Variants in PTPRN2 observed in about 807,000 individuals in gnomAD.
PTPRN2 encodes the protein protein tyrosine phosphatase receptor type N2, also known as receptor-type tyrosine-protein phosphatase N2.
A neutral mutation model predicts 118.8 loss-of-function variants in PTPRN2; 74 were observed. That is an observed-to-expected ratio of 0.62 (90% CI 0.52 to 0.76). The LOEUF is 0.76. Ranked by LOEUF, PTPRN2 falls within the 30% of genes least tolerant of loss-of-function variation. The probability of loss-of-function intolerance (pLI) is 0.00; values close to 1 mark genes in which losing one functional copy is unlikely to be tolerated. For missense variants in PTPRN2, 1,481 were observed against 1,394.4 expected, an observed-to-expected ratio of 1.06 and a Z score of -0.99; for synonymous variants, 641 against 608.0, an observed-to-expected ratio of 1.05 and a Z score of -0.80.
At chr7:158,242,288 C>T (rs1795948078) in intron 3 of PTPRN2, among the ~76,000 whole-genome samples, 1 of 152,232 alleles carries the variant, frequency 6.6e-6, no homozygotes, top group Non-Finnish European at 1.5e-5. Context: ...CCTGCCTAGG[C>T]ATGGACTTCT....
intron 21 of PTPRN2, among the ~76,000 whole-genome samples, chr7:157,568,193 G>C (rs1799580013): frequency 6.6e-6 from 1 of 152,160 alleles, no homozygotes; most frequent in Non-Finnish European, 1.5e-5. Context: ...TTTCCACGCT[G>C]CTGCTGGACC....
chr7:157,933,609 AGTGG>A (rs1378253259), intron 11 of PTPRN2, among the ~76,000 whole-genome samples: 21 of 148,762 alleles, frequency 1.4e-4, no homozygotes, highest in Non-Finnish European at 1.9e-4. Context: ...TGACAGTTTT[AGTGG>A]AGGGATGAGT....
At chr7:158,176,978 G>T (rs1489779423) in intron 5 of PTPRN2, among the ~76,000 whole-genome samples, 1 of 152,196 alleles carries the variant, frequency 6.6e-6, no homozygotes, top group Non-Finnish European at 1.5e-5. Context: ...CCCTCCTCCA[G>T]AAACAGGGAT....
intron 12 of PTPRN2, among the ~76,000 whole-genome samples, chr7:157,885,446 C>G (rs1309454161): frequency 6.6e-6 from 1 of 152,184 alleles, no homozygotes; most frequent in Non-Finnish European, 1.5e-5. Flanking sequence ...AGCAGAAGGG[C>G]ATGGGGCTTT....
intron 2 of PTPRN2, among the ~76,000 whole-genome samples, chr7:158,383,598 T>G (rs2151352875): frequency 6.8e-6 from 1 of 147,936 alleles, no homozygotes; most frequent in South Asian, 2.1e-4. Flanking sequence ...CCAGCTTTAC[T>G]GTCAGAAATT....
intron 4 of PTPRN2, among the ~76,000 whole-genome samples, chr7:158,192,864 G>A (rs998915564): frequency 3.9e-5 from 6 of 152,318 alleles, no homozygotes; most frequent in African/African-American, 9.6e-5. Context: ...GCCAGAGGCC[G>A]GGTGGGCATG....
At chr7:158,066,938 A>G (rs1810819440) in intron 11 of PTPRN2, among the ~76,000 whole-genome samples, 1 of 152,212 alleles carries the variant, frequency 6.6e-6, no homozygotes, top group Admixed American at 6.5e-5. Context: ...CAGATTTTCA[A>G]TCATCTTCCT....
intron 12 of PTPRN2, among the ~76,000 whole-genome samples, chr7:157,817,682 G>C (rs1167845162): frequency 6.6e-6 from 1 of 152,260 alleles, no homozygotes; most frequent in Non-Finnish European, 1.5e-5. Context: ...AATGGGGTGA[G>C]GGGGCCAAGG....
At chr7:158,054,303 C>A (rs1158368888) in intron 11 of PTPRN2, among the ~76,000 whole-genome samples, 1 of 152,126 alleles carries the variant, frequency 6.6e-6, no homozygotes, top group Non-Finnish European at 1.5e-5. Context: ...TGTCCTGAGA[C>A]CAAGAAGAAA....
Position 158,171,316 on chromosome 7 carries a change from T to TACATACATAC in PTPRN2, c.550-4026_550-4025insGTATGTATGT, listed in dbSNP as rs1464576505. Reference sequence around the variant, plus strand: ...ACACATATATATACACACATATATATATATATATATATATATATATATATA... The same window carrying TACATACATAC: ...ACACATATATATACACACATATATATACATACATACATATATATATATATATATATATATA... On this transcript the variant is annotated intron_variant, in intron 5 of 22. Coordinates refer to ENST00000389418, the MANE Select transcript of PTPRN2 (RefSeq NM_002847.5). 1.5e-3 allele frequency among the ~76,000 whole-genome samples: 136 copies of TACATACATAC among 92,072 alleles called. 23 individuals are homozygous for TACATACATAC. The highest frequency in any genetic ancestry group is 6.0e-3 in the African/African-American group (128 of 21,222). The allele number at this position is 92,072 out of a possible 152,430, so 60.4% of individuals were successfully genotyped here. A position where few individuals can be genotyped will look rare whatever the true frequency, so the allele number is the denominator to read the frequency against.
chr7:158,080,281 T>C (rs950411655), intron 11 of PTPRN2, among the ~76,000 whole-genome samples: 1 of 143,032 alleles, frequency 7.0e-6, no homozygotes, highest in African/African-American at 2.7e-5. Context: ...TTTTGCTGCA[T>C]TTTACACTGG....
chr7:158,020,747 A>G (rs563647873), intron 11 of PTPRN2, among the ~76,000 whole-genome samples: 1 of 152,334 alleles, frequency 6.6e-6, no homozygotes, highest in East Asian at 1.9e-4. Flanking sequence ...TAAGAAAGAC[A>G]AAAGTAGGGA....
In PTPRN2 at chr7:157,806,117, C is replaced by T. The variant is rs374757710; in HGVS notation, c.1788+92556G>A. On this transcript the variant is annotated intron_variant, in intron 12 of 22. Coordinates refer to ENST00000389418, the MANE Select transcript of PTPRN2 (RefSeq NM_002847.5). ...GTGTGTGTGTAATATATATAAAGGT[C>T]GACCATTCCTTATCTGAAGTGATTG... is the stretch of plus-strand genomic sequence containing the variant. 2.0e-3 allele frequency among the ~76,000 whole-genome samples: 306 copies of T among 152,218 alleles called. 3 individuals carry two copies. The South Asian group carries it at 0.04, about 20-fold the overall frequency.
chr7:157,697,793 CCCA>C, intron 12 of PTPRN2, among the ~76,000 whole-genome samples: 1 of 137,848 alleles, frequency 7.3e-6, no homozygotes, highest in Non-Finnish European at 1.6e-5. Flanking sequence ...TCACCATCTA[CCCA>C]TGCATACTGG....
intron 12 of PTPRN2, among the ~76,000 whole-genome samples, chr7:157,892,520 A>C (rs1796867647): frequency 6.6e-6 from 1 of 152,232 alleles, no homozygotes; most frequent in African/African-American, 2.4e-5. Context: ...AAAAGGTTTT[A>C]ATTCCACTAT....
Position 158,465,649 on chromosome 7 carries a change from G to C in PTPRN2, c.163+24086C>G, listed in dbSNP as rs796845087. ...AGTCAGTACTTGGAAGCACTGAAAG[G>C]CTCAGCTCTCACAGTCCAAGTACCA... is the stretch of plus-strand genomic sequence containing the variant. On this transcript the variant is annotated intron_variant, in intron 2 of 22. Coordinates refer to ENST00000389418, the MANE Select transcript of PTPRN2 (RefSeq NM_002847.5). Among the ~76,000 whole-genome samples, 5 of 152,300 alleles carry C rather than the reference G, an allele frequency of 3.3e-5. No homozygotes were observed. In the South Asian group the frequency reaches 1.0e-3, roughly 32 times the overall value.
rs115708275 is a variant in PTPRN2, at chr7:158,132,682, C to A, written c.1556+995G>T. 7.6e-3 allele frequency among the ~76,000 whole-genome samples: 1,160 copies of A among 151,920 alleles called. 19 individuals are homozygous for A. Among genetic ancestry groups the A allele is most frequent in the African/African-American group, 0.026 (1,075 of 41,418 alleles). ...ACACACTCATATACACACAGATACA[C>A]ACACATCTACCCAACACACATTCAT... On this transcript the variant is annotated intron_variant, in intron 9 of 22. Transcript: ENST00000389418.
chr7:158,166,917 CG>C lies in PTPRN2; in HGVS notation c.910+13del. The C allele has an allele frequency of 1.4e-6, 2 of 1,420,694 alleles. No homozygotes were observed. Among genetic ancestry groups the C allele is most frequent in the African/African-American group, 2.9e-5 (2 of 69,254 alleles). The allele number at this position is 1,420,694 out of a possible 1,614,324, so 88.0% of individuals were successfully genotyped here. On this transcript the variant is annotated intron_variant, in intron 6 of 22. Transcript: ENST00000389418. ...CAGTCAGCAAACAAGAAACACCAAG[CG>C]GGGCTGGCTCACCATCGCCTGTGCT...
At chr7:158,341,859 GTGTGCCCCGCAGGCGTCA>G in intron 2 of PTPRN2, among the ~76,000 whole-genome samples, 1 of 84,400 alleles carries the variant, frequency 1.2e-5, no homozygotes, top group Non-Finnish European at 2.2e-5. Context: ...CACCATAAGA[GTGTGCCCCGCAGGCGTCA>G]CTCACACCCA....
Sources: gnomAD v4.1 joint callset for allele counts (sites outside exome capture counted in the v4.1 genomes callset) on GRCh38, gnomAD v4.1.1 for gene constraint, MANE v1.5 for transcripts, NCBI Gene and HGNC (gene_info 2026-07-23, HGNC 2026-07-21) for gene names.